The following CCDC50 variants were observed in gnomAD, a reference collection of about 807,000 sequenced individuals.
CCDC50 encodes coiled-coil domain-containing protein 50.
Under a neutral mutation model 70.2 loss-of-function variants are expected in CCDC50, and 54 were observed. The observed-to-expected ratio is 0.77, with a 90% confidence interval of 0.62 to 0.96. The LOEUF is 0.96. Among genes scored for constraint, CCDC50 ranks in the 50% least tolerant of loss-of-function variants. The pLI is 0.00. For missense variants in CCDC50, 558 were observed against 578.7 expected (o/e 0.96, Z 0.37); for synonymous variants, 216 against 198.8 (o/e 1.09, Z -0.73).
rs966912040 is a variant in CCDC50, at chr3:191,393,940, T to C, written c.*2180T>C. The C allele has an allele frequency of 9.2e-5, 14 of 152,210 alleles. No homozygotes were observed. Among genetic ancestry groups the C allele is most frequent in the Admixed American group, 3.3e-4 (5 of 15,288 alleles). 9.4% of individuals were successfully genotyped at this position (152,210 alleles called of 1,614,324 possible). Reference sequence around the variant, plus strand: ...TTTGCCATTTTTTATTTCATAAATATTTATTTTTCTATCTCATACAATGAT... The same window carrying C: ...TTTGCCATTTTTTATTTCATAAATACTTATTTTTCTATCTCATACAATGAT... On this transcript the variant is annotated 3_prime_UTR_variant, in exon 12 of 12. Transcript: ENST00000392455.
rs76751331 is a variant in CCDC50, at chr3:191,378,326, T to G, written c.977-1833T>G. Among the ~76,000 whole-genome samples, 1,361 of 152,248 alleles carry G rather than the reference T, an allele frequency of 8.9e-3. 18 individuals carry two copies. Among genetic ancestry groups the G allele is most frequent in the African/African-American group, 0.032 (1,312 of 41,562 alleles). ...TAGACTATTCAATGGAATATTGTCT[T>G]TGGTAGAATTTAAAACAATGTGTCT... is the stretch of plus-strand genomic sequence containing the variant. On this transcript the variant is annotated intron_variant, in intron 6 of 11. Coordinates refer to ENST00000392455, the MANE Select transcript of CCDC50 (RefSeq NM_178335.3).
At chr3:191,376,555 T>G (rs1024321560) in intron 6 of CCDC50, among the ~76,000 whole-genome samples, 2 of 152,116 alleles carry the variant, frequency 1.3e-5, no homozygotes, top group Admixed American at 6.6e-5. Context: ...GTTTCTAGGT[T>G]GCGGATTCAG....
chr3:191,359,981 AT>A (rs34067775), intron 3 of CCDC50, among the ~76,000 whole-genome samples: 99 of 152,332 alleles, frequency 6.5e-4, no homozygotes, highest in African/African-American at 2.3e-3. Flanking sequence ...CGGGTATTAT[AT>A]TTCTGCCTGA....
intron 1 of CCDC50, among the ~76,000 whole-genome samples, chr3:191,330,700 G>A (rs1359302942): frequency 6.6e-6 from 1 of 152,184 alleles, no homozygotes; most frequent in Non-Finnish European, 1.5e-5. Context: ...ATTGAAAATA[G>A]TTTTTGCTTT....
At chr3:191,376,348 T>C (rs530534106) in intron 6 of CCDC50, among the ~76,000 whole-genome samples, 101 of 152,320 alleles carry the variant, frequency 6.6e-4, no homozygotes, top group African/African-American at 2.4e-3. Flanking sequence ...TCTTGGTACC[T>C]ATATAAGAAT....
rs1717863003 is a variant in CCDC50, at chr3:191,329,438, C to T, written c.-237C>T. ...TTGGTATCGATTGGGGCCGGGGACG[C>T]GGAGCAGGTGGCCGCGGCGGGGCAG... On this transcript the variant is annotated 5_prime_UTR_variant, in exon 1 of 12. Coordinates refer to ENST00000392455, the MANE Select transcript of CCDC50 (RefSeq NM_178335.3). 2 of 452,116 alleles carry T rather than the reference C, an allele frequency of 4.4e-6. No individual in the cohort carries two copies. Among genetic ancestry groups the T allele is most frequent in the Non-Finnish European group, 7.8e-6 (2 of 257,922 alleles). The allele number at this position is 452,116 out of a possible 1,614,324, so 28.0% of individuals were successfully genotyped here.
At chr3:191,359,317 GAATC>G (rs10564990) in intron 3 of CCDC50, among the ~76,000 whole-genome samples, 45,274 of 151,816 alleles carry the variant, frequency 0.3, 6,711 homozygotes, top group Non-Finnish European at 0.32. Context: ...AGAGGACTTG[GAATC>G]AATCTCACGT....
At chr3:191,358,770 A>G (rs1403905064) in intron 3 of CCDC50, among the ~76,000 whole-genome samples, 1 of 152,156 alleles carries the variant, frequency 6.6e-6, no homozygotes, top group African/African-American at 2.4e-5. Context: ...CTTCTTTGAG[A>G]GTGGCTCTTA....
rs1429717716 is a variant in CCDC50 at position 191,329,686 on chromosome 3, C to T, written c.12C>T (p.Val4=). The T allele has an allele frequency of 1.9e-6, 3 of 1,610,278 alleles. No individual in the cohort carries two copies. Among genetic ancestry groups the T allele is most frequent in the Non-Finnish European group, 2.5e-6 (3 of 1,178,854 alleles). MAE[V]SIDQSKLPGV... ...GACCCTGGCCCGGTATGGCTGAAGT[C>T]AGCATCGACCAGTCCAAGCTGCCTG... Residue 4 remains valine (V), a synonymous_variant, in exon 1 of 12, where the codon GTC becomes GTT. Transcript: ENST00000392455.
chr3:191,347,161 TA>T (rs1711956313), intron 1 of CCDC50, among the ~76,000 whole-genome samples: 1 of 142,644 alleles, frequency 7.0e-6, no homozygotes, highest in Admixed American at 7.1e-5. Context: ...TATTGCAGGA[TA>T]ATTAACCCGG....
chr3:191,339,150 C>T (rs1294799560), intron 1 of CCDC50, among the ~76,000 whole-genome samples: 3 of 152,088 alleles, frequency 2.0e-5, no homozygotes, highest in Admixed American at 2.0e-4. Context: ...ATACAGATTG[C>T]AAACTTGTCA....
At position 191,348,097 on chromosome 3, in the gene CCDC50, A is replaced by C. The variant is rs1711984946; in HGVS notation, c.50-8991A>C. 1.4e-5 allele frequency among the ~76,000 whole-genome samples: 2 copies of C among 142,474 alleles called. 1 individual carries two copies. 93.5% of individuals were successfully genotyped at this position (142,474 alleles called of 152,430 possible). On this transcript the variant is annotated intron_variant, in intron 1 of 11. Transcript: ENST00000392455. ...TCTATCCTGTAAACTACGTGCTATG[A>C]AAGCACTGAAAGAAAATGATAGATG...
At chr3:191,342,515 A>G (rs545905630) in intron 1 of CCDC50, among the ~76,000 whole-genome samples, 95 of 152,330 alleles carry the variant, frequency 6.2e-4, no homozygotes, top group South Asian at 1.0e-3. Flanking sequence ...ATATGAAGCC[A>G]ATAAACTAAA....
At chr3:191,380,637 C>T (rs1238208545) in intron 7 of CCDC50, 50 bp from the exon 8 acceptor site, 3 of 1,538,100 alleles carry the variant, frequency 2.0e-6, no homozygotes, top group Non-Finnish European at 2.7e-6. Flanking sequence ...TGAAAATGCA[C>T]AACATAGATT....
intron 1 of CCDC50, 145 bp downstream of exon 1, chr3:191,329,868 T>A: frequency 4.4e-6 from 3 of 681,492 alleles, no homozygotes; most frequent in Non-Finnish European, 6.8e-6. Context: ...TGAAAGGAAT[T>A]GAATTCAGGT....
At chr3:191,386,199 C>T (rs1461562505) in intron 10 of CCDC50, among the ~76,000 whole-genome samples, 10 of 136,972 alleles carry the variant, frequency 7.3e-5, no homozygotes, top group Admixed American at 5.8e-4. Flanking sequence ...CTGTGGATTG[C>T]TTTGTTTAGT....
chr3:191,365,866 T>C (rs1457174741), intron 4 of CCDC50, among the ~76,000 whole-genome samples: 1 of 152,190 alleles, frequency 6.6e-6, no homozygotes, highest in Non-Finnish European at 1.5e-5. Context: ...ATAAATCATA[T>C]ACAGATTGAG....
At chr3:191,379,579 A>C (rs1713235402) in intron 6 of CCDC50, among the ~76,000 whole-genome samples, 1 of 152,088 alleles carries the variant, frequency 6.6e-6, no homozygotes, top group Non-Finnish European at 1.5e-5. Context: ...AGTCTGATCA[A>C]AGCTGTGGGG....
intron 1 of CCDC50, among the ~76,000 whole-genome samples, chr3:191,348,331 C>CA (rs1359574117): frequency 1.4e-5 from 2 of 142,038 alleles, no homozygotes; most frequent in Non-Finnish European, 3.2e-5. Flanking sequence ...GTTTCATTCT[C>CA]ACAACAACCA....
Sources: allele counts gnomAD v4.1 joint callset (sites outside exome capture counted in the v4.1 genomes callset), GRCh38; gene constraint gnomAD v4.1.1; transcripts MANE v1.5; gene names NCBI Gene and HGNC (gene_info 2026-07-23, HGNC 2026-07-21).